The following SHB variants were observed in gnomAD, a reference collection of about 807,000 sequenced individuals.
The protein encoded by SHB is SH2 domain containing adaptor protein B, also known as SH2 domain-containing adapter protein B.
In SHB, 20 loss-of-function variants were observed where a neutral mutation model predicts 52.3. The ratio of observed to expected loss-of-function variants is 0.38; its 90% CI spans 0.27 to 0.56. The LOEUF is 0.56. Among genes scored for constraint, SHB ranks in the 20% least tolerant of loss-of-function variants. The pLI, the probability that SHB is intolerant of heterozygous loss-of-function variation, is 0.71. For missense variants in SHB, 825 were observed against 723.3 expected, an observed-to-expected ratio of 1.14 and a Z score of -1.61; for synonymous variants, 397 against 316.5, an observed-to-expected ratio of 1.25 and a Z score of -2.70.
Position 37,950,926 on chromosome 9 carries a change from G to C in SHB, c.1227-2172C>G, listed in dbSNP as rs1029514476. The stretch of plus-strand genomic sequence containing the variant: ...TGCATTTTACATTACATTTCCAGGT[G>C]CAAGTGGGGATGCTGCCTCCTGGTG... On this transcript the variant is annotated intron_variant, in intron 4 of 5. Coordinates refer to ENST00000377707, the MANE Select transcript of SHB (RefSeq NM_003028.3). Among the ~76,000 whole-genome samples, 4 of 152,204 alleles carry C rather than the reference G, an allele frequency of 2.6e-5. No homozygotes were observed. The East Asian group carries it at 5.8e-4, about 22-fold the overall frequency.
chr9:37,997,633 G>T (rs969645080), intron 2 of SHB, among the ~76,000 whole-genome samples: 1 of 152,198 alleles, frequency 6.6e-6, no homozygotes, highest in Admixed American at 6.5e-5. Flanking sequence ...CAAAATGACT[G>T]CAGAGTGGGC....
chr9:38,008,276 G>C (rs965676939), intron 2 of SHB, among the ~76,000 whole-genome samples: 1 of 152,220 alleles, frequency 6.6e-6, no homozygotes, highest in Non-Finnish European at 1.5e-5. Context: ...CCTAGAGTGG[G>C]CCCGCTGGTC....
rs182032653 is a variant in SHB, at chr9:38,053,148, G to A, written c.717+14781C>T. Among the ~76,000 whole-genome samples the A allele has an allele frequency of 2.7e-3, 404 of 152,262 alleles. 1 individual carries two copies. Among genetic ancestry groups the A allele is most frequent in the Non-Finnish European group, 4.4e-3 (301 of 68,006 alleles). ...TGTAACATAGACTGACTGCCTGGCT[G>A]GAACCCCAGCTCCAGCTCTACCCAC... On this transcript the variant is annotated intron_variant, in intron 1 of 5. Transcript: ENST00000377707.
chr9:38,063,814 T>A lies in SHB; in HGVS notation c.717+4115A>T, dbSNP rs868585067. 1.4e-3 allele frequency among the ~76,000 whole-genome samples: 211 copies of A among 146,674 alleles called. 1 individual carries two copies. Among genetic ancestry groups the A allele is most frequent in the African/African-American group, 2.9e-3 (116 of 39,824 alleles). On this transcript the variant is annotated intron_variant, in intron 1 of 5. Transcript: ENST00000377707. Reference sequence around the variant, plus strand: ...CTGGATGTTTTTTTTTTTTTTTTTTTAAAGTTAGACATGATATTATTTATT... The same window carrying A: ...CTGGATGTTTTTTTTTTTTTTTTTTAAAAGTTAGACATGATATTATTTATT...
chr9:38,041,694 G>A (rs1345058686), intron 1 of SHB, among the ~76,000 whole-genome samples: 1 of 152,124 alleles, frequency 6.6e-6, no homozygotes, highest in East Asian at 1.9e-4. Context: ...AGCCACTGGT[G>A]GTTCTGAGAA....
chr9:38,022,198 A>G (rs16934720), intron 1 of SHB, among the ~76,000 whole-genome samples: 1,991 of 152,254 alleles, frequency 0.013, 43 homozygotes, highest in African/African-American at 0.045. Flanking sequence ...ATCACATTAC[A>G]TACACCCACA....
At chr9:37,985,410 C>T (rs1245794174) in intron 2 of SHB, among the ~76,000 whole-genome samples, 2 of 152,246 alleles carry the variant, frequency 1.3e-5, no homozygotes, top group Non-Finnish European at 2.9e-5. Context: ...GTGGACCTTG[C>T]CGTGCAGCTC....
At chr9:37,932,412 G>A (rs1564081749) in intron 5 of SHB, among the ~76,000 whole-genome samples, 2 of 151,880 alleles carry the variant, frequency 1.3e-5, no homozygotes, top group Non-Finnish European at 2.9e-5. Flanking sequence ...GAGGAGATGG[G>A]GAGATGTAGG....
intron 3 of SHB, among the ~76,000 whole-genome samples, chr9:37,969,323 A>C (rs1195332005): frequency 6.6e-6 from 1 of 152,140 alleles, no homozygotes; most frequent in Non-Finnish European, 1.5e-5. Context: ...GCCCCCAGCC[A>C]AGTTATTTCT....
intron 2 of SHB, among the ~76,000 whole-genome samples, chr9:38,011,689 CT>C (rs1554704970): frequency 6.6e-6 from 1 of 152,206 alleles, no homozygotes; most frequent in Non-Finnish European, 1.5e-5. Context: ...CTTGCCTCTG[CT>C]CTGATACCTC....
chr9:38,030,369 A>T (rs2118112503), intron 1 of SHB, among the ~76,000 whole-genome samples: 1 of 152,300 alleles, frequency 6.6e-6, no homozygotes. Flanking sequence ...TCCTCCAGGT[A>T]TATAAGAGGC....
Position 37,997,298 on chromosome 9 carries a change from G to A in SHB, c.838+18713C>T, listed in dbSNP as rs79237537. 3.9e-3 allele frequency among the ~76,000 whole-genome samples: 591 copies of A among 152,284 alleles called. 2 individuals carry two copies. The highest frequency in any genetic ancestry group is 0.013 in the African/African-American group (556 of 41,548). On this transcript the variant is annotated intron_variant, in intron 2 of 5. Coordinates refer to ENST00000377707, the MANE Select transcript of SHB (RefSeq NM_003028.3). ...ACTTCAGGACCCAACTCAGGTGTCA[G>A]CTCAGCACCTACGAAACCACTGGTG...
chr9:37,959,838 G>C (rs1023856329), intron 3 of SHB, among the ~76,000 whole-genome samples: 3 of 98,732 alleles, frequency 3.0e-5, no homozygotes, highest in Non-Finnish European at 6.1e-5. Context: ...CTAACTGCAT[G>C]TCCTACCCTG....
At chr9:37,936,552 A>C (rs1430635773) in intron 5 of SHB, among the ~76,000 whole-genome samples, 1 of 152,160 alleles carries the variant, frequency 6.6e-6, no homozygotes, top group African/African-American at 2.4e-5. Flanking sequence ...GGGTGTTGAG[A>C]CCAAAAGACA....
At chr9:38,060,478 C>T (rs1003253541) in intron 1 of SHB, among the ~76,000 whole-genome samples, 4 of 152,082 alleles carry the variant, frequency 2.6e-5, no homozygotes, top group Admixed American at 2.0e-4. Flanking sequence ...CATGAACCAC[C>T]GACCTGACTT....
intron 5 of SHB, among the ~76,000 whole-genome samples, chr9:37,932,928 T>C (rs1832330516): frequency 6.6e-6 from 1 of 152,254 alleles, no homozygotes; most frequent in Non-Finnish European, 1.5e-5. Flanking sequence ...AGTAACCTTC[T>C]TACTATCTGT....
At position 37,926,423 on chromosome 9, in the gene SHB, G is replaced by A. The variant is rs371768236; in HGVS notation, c.1347-6419C>T. On this transcript the variant is annotated intron_variant, in intron 5 of 5. Coordinates refer to ENST00000377707, the MANE Select transcript of SHB (RefSeq NM_003028.3). ...GAAGCACAGCATTACCCATCTTACCGACTGTGGCCATGCTGCCAAGAGCTC... is the reference window on the plus strand; with the variant it reads ...GAAGCACAGCATTACCCATCTTACCAACTGTGGCCATGCTGCCAAGAGCTC... Among the ~76,000 whole-genome samples the A allele has an allele frequency of 6.6e-5, 10 of 152,268 alleles. No individual in the cohort carries two copies. The East Asian group carries it at 9.6e-4, about 15-fold the overall frequency.
chr9:38,002,935 G>A (rs1323244343), intron 2 of SHB, among the ~76,000 whole-genome samples: 1 of 152,176 alleles, frequency 6.6e-6, no homozygotes, highest in Admixed American at 6.5e-5. Flanking sequence ...TAGGGCTGGG[G>A]CCCAAAAGGC....
chr9:38,014,340 C>T (rs1420227670), intron 2 of SHB, among the ~76,000 whole-genome samples: 1 of 152,238 alleles, frequency 6.6e-6, no homozygotes, highest in Non-Finnish European at 1.5e-5. Context: ...AGGTGCAGGC[C>T]GCAGGCCACA....
Sources: allele counts gnomAD v4.1 joint callset (sites outside exome capture counted in the v4.1 genomes callset), GRCh38; gene constraint gnomAD v4.1.1; transcripts MANE v1.5; gene names NCBI Gene and HGNC (gene_info 2026-07-23, HGNC 2026-07-21).